Variants in PDE4D observed in about 807,000 individuals in gnomAD.
The protein encoded by PDE4D is phosphodiesterase 4D, also known as 3',5'-cyclic-AMP phosphodiesterase 4D.
PDE4D carries 24 observed loss-of-function variants against 87.4 expected under a neutral mutation model. The ratio of observed to expected loss-of-function variants is 0.27; its 90% confidence interval spans 0.20 to 0.39. The LOEUF is 0.39. PDE4D is among the 10% of genes least tolerant of loss of function. The pLI, the probability that PDE4D is intolerant of heterozygous loss-of-function variation, is 1.00. For missense variants in PDE4D, 714 were observed against 1,041.0 expected, an observed-to-expected ratio of 0.69 and a Z score of 4.32; for synonymous variants, 384 against 383.2, an observed-to-expected ratio of 1.00 and a Z score of -0.02.
intron 1 of PDE4D, among the ~76,000 whole-genome samples, chr5:59,618,400 G>A (rs186902903): frequency 2.6e-5 from 4 of 152,184 alleles, no homozygotes; most frequent in African/African-American, 9.6e-5. Flanking sequence ...AATCATGAAC[G>A]CCAGAGAATT....
intron 1 of PDE4D, among the ~76,000 whole-genome samples, chr5:59,889,188 A>G (rs2152751954): frequency 6.7e-6 from 1 of 148,784 alleles, no homozygotes; most frequent in South Asian, 2.1e-4. Context: ...AGATTGTGCC[A>G]CTGCACACTC....
chr5:59,787,057 G>T (rs1362149886), intron 1 of PDE4D, among the ~76,000 whole-genome samples: 1 of 152,116 alleles, frequency 6.6e-6, no homozygotes, highest in Admixed American at 6.5e-5. Context: ...AAAATATTCT[G>T]TCACACTGAC....
At chr5:58,980,115 T>G (rs1275084233) in intron 11 of PDE4D, among the ~76,000 whole-genome samples, 1 of 152,218 alleles carries the variant, frequency 6.6e-6, no homozygotes, top group Non-Finnish European at 1.5e-5. Context: ...CTATGTTCCA[T>G]TCATGGATGG....
At chr5:60,319,482 A>G (rs1045525431) in intron 1 of PDE4D, among the ~76,000 whole-genome samples, 1 of 152,090 alleles carries the variant, frequency 6.6e-6, no homozygotes, top group African/African-American at 2.4e-5. Flanking sequence ...TCTTCTCTCA[A>G]CTCGTCAAAG....
At chr5:59,057,053 A>G (rs1327495478) in intron 5 of PDE4D, among the ~76,000 whole-genome samples, 1 of 152,150 alleles carries the variant, frequency 6.6e-6, no homozygotes, top group Non-Finnish European at 1.5e-5. Context: ...ATGGTTAGAA[A>G]TGAATTCATT....
At chr5:60,022,793 T>G (rs1766209073) in intron 2 of PDE4D, 1 of 152,330 alleles carries the variant, frequency 6.6e-6, no homozygotes, top group Non-Finnish European at 1.5e-5. Context: ...CATTCCATTC[T>G]TCTTAGGCTC....
intron 2 of PDE4D, among the ~76,000 whole-genome samples, chr5:60,017,929 C>T (rs1267763166): frequency 6.6e-6 from 1 of 152,200 alleles, no homozygotes; most frequent in Non-Finnish European, 1.5e-5. Context: ...TAAAAGCGTT[C>T]CTATTTCTCC....
intron 1 of PDE4D, among the ~76,000 whole-genome samples, chr5:59,593,753 C>T (rs1411647606): frequency 2.0e-5 from 3 of 152,076 alleles, no homozygotes; most frequent in South Asian, 2.1e-4. Flanking sequence ...ATTGACAAAT[C>T]GTTAGAGGCT....
intron 1 of PDE4D, among the ~76,000 whole-genome samples, chr5:59,373,212 A>G (rs184777553): frequency 1.6e-4 from 25 of 152,312 alleles, no homozygotes; most frequent in Non-Finnish European, 2.6e-4. Context: ...AATTCAAAAT[A>G]TGGATTGGAA....
chr5:59,942,082 G>T (rs189149449), intron 3 of PDE4D, among the ~76,000 whole-genome samples: 62 of 152,322 alleles, frequency 4.1e-4, no homozygotes, highest in African/African-American at 1.4e-3. Flanking sequence ...CTTGGAAGGG[G>T]GTGAGAGGGA....
chr5:59,051,449 C>G (rs1222846446), intron 5 of PDE4D, among the ~76,000 whole-genome samples: 1 of 152,198 alleles, frequency 6.6e-6, no homozygotes, highest in Non-Finnish European at 1.5e-5. Flanking sequence ...ATGTATTTGT[C>G]ATTGGTTAAT....
At chr5:60,196,334 C>T (rs1000002471) in intron 1 of PDE4D, among the ~76,000 whole-genome samples, 2 of 151,716 alleles carry the variant, frequency 1.3e-5, no homozygotes, top group African/African-American at 4.8e-5. Flanking sequence ...ACTCTCCACC[C>T]TAATTAAAAG....
intron 5 of PDE4D, among the ~76,000 whole-genome samples, chr5:59,135,387 CATT>C (rs1205331452): frequency 6.6e-6 from 1 of 152,174 alleles, no homozygotes; most frequent in Non-Finnish European, 1.5e-5. Flanking sequence ...ATGTTAGGGA[CATT>C]ATAAATTCAA....
intron 1 of PDE4D, among the ~76,000 whole-genome samples, chr5:60,508,670 A>C (rs1750426924): frequency 6.6e-6 from 1 of 152,208 alleles, no homozygotes; most frequent in Admixed American, 6.5e-5. Context: ...TCCCAGGGGA[A>C]ATGTAAGATC....
At chr5:60,423,427 C>T (rs1009127883) in intron 1 of PDE4D, among the ~76,000 whole-genome samples, 2 of 152,140 alleles carry the variant, frequency 1.3e-5, no homozygotes, top group Non-Finnish European at 2.9e-5. Context: ...AACTGAACAA[C>T]CTACTCCTGA....
intron 1 of PDE4D, among the ~76,000 whole-genome samples, chr5:59,884,147 G>GT (rs1749840132): frequency 6.6e-6 from 1 of 151,780 alleles, no homozygotes; most frequent in Non-Finnish European, 1.5e-5. Flanking sequence ...CAGTTTGGTG[G>GT]TTTTTCCTGC....
At chr5:59,529,244 T>A in intron 1 of PDE4D, 1 of 475,496 alleles carries the variant, frequency 2.1e-6, no homozygotes, top group Non-Finnish European at 4.2e-6. Context: ...ACATTTAACA[T>A]CTCATATTAA....
Position 58,993,404 on chromosome 5 carries a change from T to C in PDE4D, c.983A>G (p.Gln328Arg). 6.2e-7 allele frequency: 1 copy of C among 1,600,602 alleles called. No homozygotes were observed. The highest frequency in any genetic ancestry group is 1.7e-5 in the Admixed American group (1 of 57,448). The change falls in exon 7 of 15, where the codon CAA (glutamine) becomes CGA (arginine). Residue 328 changes from glutamine to arginine, a missense_variant. Gln to Arg is a conservative substitution (Grantham distance 43). Transcript: ENST00000340635. ...TGTGTTTGATATAAACTCTGACACTTGATTTCCAGACCGACTCATTTCAGA... is the reference window on the plus strand; with the variant it reads ...TGTGTTTGATATAAACTCTGACACTCGATTTCCAGACCGACTCATTTCAGA... ...HLSEMSRSGNQVSEFISNTFL... is the reference protein window; with the variant it reads ...HLSEMSRSGNRVSEFISNTFL...
chr5:59,937,847 A>AG (rs1484476802), intron 3 of PDE4D, among the ~76,000 whole-genome samples: 1 of 152,222 alleles, frequency 6.6e-6, no homozygotes, highest in Non-Finnish European at 1.5e-5. Context: ...GAATCATGGC[A>AG]GGCTGGCTCA....
Sources: allele counts gnomAD v4.1 joint callset (sites outside exome capture counted in the v4.1 genomes callset), GRCh38; gene constraint gnomAD v4.1.1; transcripts MANE v1.5; gene names NCBI Gene and HGNC (gene_info 2026-07-23, HGNC 2026-07-21).